The following MGA variants were observed in gnomAD, a reference collection of about 807,000 sequenced individuals.
The protein encoded by MGA is MAX dimerization protein MGA, also known as MAX gene-associated protein.
In MGA, 40 loss-of-function variants were observed where a neutral mutation model predicts 261.1. That is an observed-to-expected ratio of 0.15 (90% CI 0.12 to 0.20). The LOEUF (loss-of-function observed/expected upper bound fraction) is 0.20, where lower values mean the gene tolerates loss of function less well. Ranked by LOEUF, MGA falls within the 10% of genes least tolerant of loss-of-function variation. MGA has a pLI of 1.00. For missense variants in MGA, 3,397 were observed against 3,630.5 expected (o/e 0.94, Z 1.65); for synonymous variants, 1,302 against 1,290.6 (o/e 1.01, Z -0.19).
chr15:41,646,062 T>G (rs1355750932), intron 1 of MGA, among the ~76,000 whole-genome samples: 1 of 152,166 alleles, frequency 6.6e-6, no homozygotes, highest in Non-Finnish European at 1.5e-5. Context: ...TCACCCTGAA[T>G]TTTAAAAATT....
intron 1 of MGA, among the ~76,000 whole-genome samples, chr15:41,642,099 G>T (rs2056834067): frequency 6.6e-6 from 1 of 151,918 alleles, no homozygotes; most frequent in Admixed American, 6.6e-5. Context: ...CTGCGCCAGG[G>T]CCTAGCCAAC....
chr15:41,713,534 G>A (rs2060481596), intron 9 of MGA, 38 bp downstream of exon 9: 2 of 1,482,626 alleles, frequency 1.3e-6, no homozygotes, highest in South Asian at 2.7e-5. Context: ...TGCCATATCA[G>A]TTTTTGGAAA....
At chr15:41,680,251 G>A (rs1429832507) in intron 2 of MGA, among the ~76,000 whole-genome samples, 7 of 152,130 alleles carry the variant, frequency 4.6e-5, no homozygotes, top group African/African-American at 1.4e-4. Flanking sequence ...GGTTGTTGCA[G>A]CATTCTTTCT....
At chr15:41,670,280 T>C (rs961615809) in intron 2 of MGA, among the ~76,000 whole-genome samples, 4 of 151,912 alleles carry the variant, frequency 2.6e-5, no homozygotes, top group African/African-American at 9.7e-5. Context: ...CATTTGAGAC[T>C]CCATCTCAAT....
chr15:41,739,860 A>T, intron 13 of MGA, 46 bp from the exon 14 acceptor site: 1 of 1,576,388 alleles, frequency 6.3e-7, no homozygotes. Context: ...AGGAGTTAGC[A>T]AGAGAATTTT....
At chr15:41,719,736 C>T (rs1458383495) in intron 9 of MGA, among the ~76,000 whole-genome samples, 1 of 151,478 alleles carries the variant, frequency 6.6e-6, no homozygotes, top group Non-Finnish European at 1.5e-5. Flanking sequence ...GAGTGAGACC[C>T]TGTCTCAAAA....
Position 41,639,526 on chromosome 15 carries a change from TA to T in MGA, c.-68+18231del, listed in dbSNP as rs1050144606. 3.0e-3 allele frequency among the ~76,000 whole-genome samples: 452 copies of T among 148,552 alleles called. 6 individuals are homozygous for T. Among genetic ancestry groups the T allele is most frequent in the Middle Eastern group, 3.5e-3 (1 of 288 alleles). On this transcript the variant is annotated intron_variant, in intron 1 of 8. Transcript: ENST00000566718. ...TCAGGAGCATGTAGTTTTTTTTTTT[TA>T]AATTAATTAATTTATTTTTATTATT...
chr15:41,631,298 C>T (rs535302302), intron 1 of MGA, among the ~76,000 whole-genome samples: 90 of 152,072 alleles, frequency 5.9e-4, no homozygotes, highest in Non-Finnish European at 1.1e-3. Context: ...ATTGATTTAG[C>T]TCTTTGTTTG....
intron 1 of MGA, among the ~76,000 whole-genome samples, chr15:41,632,621 T>C (rs547790939): frequency 6.6e-6 from 1 of 152,300 alleles, no homozygotes; most frequent in African/African-American, 2.4e-5. Context: ...TCTTTTCCCT[T>C]GCCCTCCAAC....
chr15:41,670,424 C>T (rs894518381), intron 2 of MGA, among the ~76,000 whole-genome samples: 1 of 151,974 alleles, frequency 6.6e-6, no homozygotes. Flanking sequence ...ATGGTGGATG[C>T]CAGGGGGTAG....
At chr15:41,748,253 TA>T (rs67071175) in intron 15 of MGA, among the ~76,000 whole-genome samples, 39,066 of 146,984 alleles carry the variant, frequency 0.27, 5,354 homozygotes, top group Middle Eastern at 0.44. Context: ...CCTGCCTCTT[TA>T]AAAAAAAAAA....
chr15:41,692,350 G>T (rs1237894880), intron 2 of MGA, among the ~76,000 whole-genome samples: 2 of 152,172 alleles, frequency 1.3e-5, no homozygotes, highest in Non-Finnish European at 2.9e-5. Context: ...GTGGTAATTG[G>T]ACAGCAGTGA....
chr15:41,646,244 GCTTA>G (rs2056930430), intron 1 of MGA, among the ~76,000 whole-genome samples: 1 of 152,154 alleles, frequency 6.6e-6, no homozygotes, highest in African/African-American at 2.4e-5. Flanking sequence ...ATATTCAGAA[GCTTA>G]CTTTCGTTGC....
chr15:41,745,181 GTAAATGTGTTTT>G (rs1445890530), intron 15 of MGA, among the ~76,000 whole-genome samples: 2 of 148,224 alleles, frequency 1.3e-5, no homozygotes, highest in Non-Finnish European at 3.0e-5. Flanking sequence ...GCGCCTGGCT[GTAAATGTGTTTT>G]TAAAAGAGAC....
At chr15:41,675,380 CT>C (rs1432385015) in intron 2 of MGA, among the ~76,000 whole-genome samples, 1 of 148,798 alleles carries the variant, frequency 6.7e-6, no homozygotes. Flanking sequence ...TTTCCCCTTT[CT>C]TTTTTTTTGA....
chr15:41,695,476 C>T (rs936483443), intron 2 of MGA, among the ~76,000 whole-genome samples: 7 of 152,196 alleles, frequency 4.6e-5, no homozygotes, highest in East Asian at 1.9e-4. Flanking sequence ...CGTGAGCCAT[C>T]GCTCCTGCCC....
intron 9 of MGA, among the ~76,000 whole-genome samples, chr15:41,723,938 T>C (rs946719953): frequency 4.6e-5 from 7 of 152,066 alleles, no homozygotes; most frequent in Admixed American, 2.0e-4. Flanking sequence ...AAGAGAAATA[T>C]GAATAATCAT....
rs2063557119 is a variant in MGA at position 41,762,773 on chromosome 15, G to A, written c.7744+411G>A. Among the ~76,000 whole-genome samples the A allele has an allele frequency of 2.0e-5, 3 of 151,946 alleles. No homozygotes were observed. In the South Asian group the frequency reaches 6.2e-4, roughly 32 times the overall value. On this transcript the variant is annotated intron_variant, in intron 22 of 23. Coordinates refer to ENST00000219905, the MANE Select transcript of MGA (RefSeq NM_001164273.2). ...TGTGAGCAACCACACCCAGCCCACA[G>A]TTTTAGTTTTAATTAAATGAATTAA...
intron 11 of MGA, among the ~76,000 whole-genome samples, chr15:41,729,648 C>T: frequency 6.6e-6 from 1 of 151,700 alleles, no homozygotes; most frequent in Non-Finnish European, 1.5e-5. Context: ...ATGGTGAAAC[C>T]CTATCTTTAC....
Sources: allele counts gnomAD v4.1 joint callset (sites outside exome capture counted in the v4.1 genomes callset), GRCh38; gene constraint gnomAD v4.1.1; transcripts MANE v1.5; gene names NCBI Gene and HGNC (gene_info 2026-07-23, HGNC 2026-07-21).